The following GDPD4 variants were observed in gnomAD, a reference collection of about 807,000 sequenced individuals.
GDPD4 encodes the protein glycerophosphodiester phosphodiesterase 6.
GDPD4 carries 60 observed loss-of-function variants against 67.8 expected under a neutral mutation model. The observed-to-expected ratio is 0.88, with a 90% CI of 0.72 to 1.10. The LOEUF is 1.10. Among genes scored for constraint, GDPD4 ranks in the 50% least tolerant of loss-of-function variants. The pLI is 0.00. For missense variants in GDPD4, 623 were observed against 613.9 expected (o/e 1.01, Z -0.16); for synonymous variants, 212 against 210.9 (o/e 1.00, Z -0.04).
chr11:77,248,205 CTT>C (rs974874400), intron 11 of GDPD4, among the ~76,000 whole-genome samples: 21 of 140,794 alleles, frequency 1.5e-4, no homozygotes, highest in Admixed American at 2.1e-4. Context: ...ATTTTCTTTT[CTT>C]TTTTTTTTTT....
intron 1 of GDPD4, among the ~76,000 whole-genome samples, chr11:77,296,138 C>G (rs1937949022): frequency 6.6e-6 from 1 of 150,462 alleles, no homozygotes; most frequent in African/African-American, 2.4e-5. Context: ...ATAGTCCCAG[C>G]TACTCAGGAG....
chr11:77,255,580 G>A (rs1958987830), intron 11 of GDPD4, among the ~76,000 whole-genome samples: 1 of 152,004 alleles, frequency 6.6e-6, no homozygotes, highest in Admixed American at 6.6e-5. Context: ...TAAAAATAAG[G>A]CTGGGTGCGG....
In GDPD4 at chr11:77,252,054, G is replaced by GTTGTT. The variant is rs1565523207; in HGVS notation, c.864+6331_864+6332insAACAA. Among the ~76,000 whole-genome samples, 2 of 42,340 alleles carry GTTGTT rather than the reference G, an allele frequency of 4.7e-5. 1 individual carries two copies. Among genetic ancestry groups the GTTGTT allele is most frequent in the Non-Finnish European group, 1.3e-4 (2 of 15,270 alleles). The allele number at this position is 42,340 out of a possible 152,430, so 27.8% of individuals were successfully genotyped here. A position where few individuals can be genotyped will look rare whatever the true frequency, so the allele number is the denominator to read the frequency against. ...TCCATTTGGGTTTTTTTGTTTGTTT[G>GTTGTT]TTTTTTTTTTGTTTTTTTTTTTTTT... On this transcript the variant is annotated intron_variant, in intron 11 of 16. Transcript: ENST00000315938.
At chr11:77,231,338 C>G (rs922529563) in intron 14 of GDPD4, among the ~76,000 whole-genome samples, 2 of 152,166 alleles carry the variant, frequency 1.3e-5, no homozygotes, top group African/African-American at 4.8e-5. Flanking sequence ...AAGCCAAAAA[C>G]CACAAACACA....
At chr11:77,218,847 CA>C (rs149288477) in intron 16 of GDPD4, among the ~76,000 whole-genome samples, 129,844 of 147,920 alleles carry the variant, frequency 0.88, 56,869 homozygotes, top group Non-Finnish European at 0.96. Context: ...CCGCAATAAA[CA>C]ATACGTGTGC....
chr11:77,274,369 T>G (rs960972012), intron 5 of GDPD4, among the ~76,000 whole-genome samples: 2 of 152,170 alleles, frequency 1.3e-5, no homozygotes, highest in Non-Finnish European at 2.9e-5. Context: ...GAGGTGGGCA[T>G]AGTGGGAGGT....
chr11:77,284,093 T>C (rs1012548411), intron 3 of GDPD4, among the ~76,000 whole-genome samples: 3 of 152,122 alleles, frequency 2.0e-5, no homozygotes, highest in Non-Finnish European at 2.9e-5. Flanking sequence ...GGGAATCTAT[T>C]CTAGGAACAT....
intron 5 of GDPD4, among the ~76,000 whole-genome samples, chr11:77,275,090 G>T (rs1420357889): frequency 2.0e-5 from 3 of 152,194 alleles, no homozygotes; most frequent in Non-Finnish European, 2.9e-5. Flanking sequence ...ATGAAGAAAT[G>T]ATAAATGCTT....
intron 10 of GDPD4, among the ~76,000 whole-genome samples, chr11:77,261,362 C>G (rs369138096): frequency 6.6e-6 from 1 of 152,032 alleles, no homozygotes; most frequent in Admixed American, 6.6e-5. Flanking sequence ...CTCAGCCTCC[C>G]GAGTAGCTGG....
At chr11:77,241,735 G>A (rs1044417560) in intron 13 of GDPD4, among the ~76,000 whole-genome samples, 1 of 147,766 alleles carries the variant, frequency 6.8e-6, no homozygotes, top group Non-Finnish European at 1.5e-5. Context: ...ACGAGGTCAA[G>A]AGATCGAGAC....
Position 77,279,353 on chromosome 11 carries a change from T to C in GDPD4, c.100A>G (p.Ile34Val). The C allele has an allele frequency of 6.2e-7, 1 of 1,612,890 alleles. No individual in the cohort carries two copies. Among genetic ancestry groups the C allele is most frequent in the Non-Finnish European group, 8.5e-7 (1 of 1,179,106 alleles). Reference sequence around the variant, plus strand: ...GTCAGGATCCTAGCTAAACTCAGAATAAAAATAGACCAGAAAAACCAGTAT... The same window carrying C: ...GTCAGGATCCTAGCTAAACTCAGAACAAAAATAGACCAGAAAAACCAGTAT... ...TGYWFFWSIF[I>V]LSLARILTAY... Residue 34 changes from isoleucine to valine, a missense_variant, in exon 4 of 17, where the codon ATT becomes GTT. Ile to Val is a conservative substitution (Grantham distance 29). Coordinates refer to ENST00000315938, the MANE Select transcript of GDPD4 (RefSeq NM_182833.3).
intron 13 of GDPD4, among the ~76,000 whole-genome samples, chr11:77,238,579 C>T (rs1388606016): frequency 3.4e-5 from 4 of 117,596 alleles, no homozygotes; most frequent in Admixed American, 1.8e-4. Flanking sequence ...AGCGAAACTC[C>T]GTCTCAAAAA....
Position 77,216,718 on chromosome 11 carries a change from A to C in GDPD4, c.*559T>G, listed in dbSNP as rs1171931566. ...CTTGAGATGCATTCTTGATAGCGAG[A>C]GCACAATGGTTCCCCTGAGAGCCTC... On this transcript the variant is annotated 3_prime_UTR_variant, in exon 17 of 17. Transcript: ENST00000315938. 1.7e-6 allele frequency: 1 copy of C among 581,244 alleles called. No individual in the cohort carries two copies. Among genetic ancestry groups the C allele is most frequent in the Non-Finnish European group, 3.1e-6 (1 of 327,358 alleles). The allele number at this position is 581,244 out of a possible 1,614,324, so 36.0% of individuals were successfully genotyped here.
intron 1 of GDPD4, among the ~76,000 whole-genome samples, chr11:77,294,844 T>C (rs1055011188): frequency 3.9e-5 from 6 of 152,034 alleles, no homozygotes; most frequent in African/African-American, 1.2e-4. Context: ...CCCATATATA[T>C]ATGGTCTATT....
At chr11:77,252,065 G>GTTTTTTTTTTTTTTTT (rs71043561) in intron 11 of GDPD4, among the ~76,000 whole-genome samples, 1 of 127,432 alleles carries the variant, frequency 7.8e-6, no homozygotes, top group Non-Finnish European at 1.6e-5. Context: ...TTTTTTTTTT[G>GTTTTTTTTTTTTTTTT]TTTTTTTTTT....
intron 1 of GDPD4, among the ~76,000 whole-genome samples, chr11:77,289,521 G>A (rs1192688304): frequency 1.3e-5 from 2 of 151,558 alleles, no homozygotes; most frequent in Admixed American, 1.3e-4. Context: ...TTTAAGGTCA[G>A]GAGTTCGAGA....
chr11:77,292,174 A>C (rs1309945441), intron 1 of GDPD4, among the ~76,000 whole-genome samples: 1 of 152,106 alleles, frequency 6.6e-6, no homozygotes, highest in East Asian at 1.9e-4. Context: ...TTCCAATGAG[A>C]AACAGACAAA....
At chr11:77,221,281 A>ATTTG (rs2135817429) in intron 16 of GDPD4, among the ~76,000 whole-genome samples, 1 of 152,000 alleles carries the variant, frequency 6.6e-6, no homozygotes, top group East Asian at 1.9e-4. Flanking sequence ...CTGCTATTAA[A>ATTTG]TTTGTTTGCT....
chr11:77,226,873 A>AACTT (rs1443519076), intron 16 of GDPD4, among the ~76,000 whole-genome samples: 1 of 152,132 alleles, frequency 6.6e-6, no homozygotes, highest in African/African-American at 2.4e-5. Context: ...CAAATTTCTA[A>AACTT]ACTTAGTTTT....
Sources: allele counts gnomAD v4.1 joint callset (sites outside exome capture counted in the v4.1 genomes callset), GRCh38; gene constraint gnomAD v4.1.1; transcripts MANE v1.5; gene names NCBI Gene and HGNC (gene_info 2026-07-23, HGNC 2026-07-21).